The following CDH20 variants were observed in gnomAD, a reference collection of about 807,000 sequenced individuals.
CDH20 encodes cadherin-20.
A neutral mutation model predicts 74.2 loss-of-function variants in CDH20; 29 were observed. That is an observed-to-expected ratio of 0.39 (90% CI 0.29 to 0.53). The LOEUF is 0.53. CDH20 is among the 20% of genes least tolerant of loss of function. The pLI, the probability that CDH20 is intolerant of heterozygous loss-of-function variation, is 0.69. For synonymous variants in CDH20, 469 were observed against 405.4 expected, an observed-to-expected ratio of 1.16 and a Z score of -1.88; for missense variants, 988 against 1,048.3, an observed-to-expected ratio of 0.94 and a Z score of 0.79.
intron 6 of CDH20, among the ~76,000 whole-genome samples, chr18:61,522,440 T>G (rs1350947449): frequency 6.6e-6 from 1 of 152,140 alleles, no homozygotes; most frequent in African/African-American, 2.4e-5. Context: ...GAAAAAACAT[T>G]CCATGCTCAT....
At chr18:61,420,630 G>A (rs149296172) in intron 1 of CDH20, among the ~76,000 whole-genome samples, 57 of 152,112 alleles carry the variant, frequency 3.7e-4, no homozygotes, top group African/African-American at 1.4e-3. Flanking sequence ...GCTGTGCCTG[G>A]GGCTGGAACT....
chr18:61,378,521 A>G (rs1911324362), intron 1 of CDH20, among the ~76,000 whole-genome samples: 1 of 152,182 alleles, frequency 6.6e-6, no homozygotes. Context: ...TACTCAGTCT[A>G]CGGGCTCAGA....
chr18:61,443,193 C>A (rs1491000296), intron 1 of CDH20, among the ~76,000 whole-genome samples: 1 of 152,094 alleles, frequency 6.6e-6, no homozygotes, highest in Non-Finnish European at 1.5e-5. Context: ...GCCCACTGAT[C>A]CTTAGGGGTT....
intron 1 of CDH20, among the ~76,000 whole-genome samples, chr18:61,346,959 G>A (rs1341958688): frequency 6.6e-6 from 1 of 151,958 alleles, no homozygotes; most frequent in Non-Finnish European, 1.5e-5. Context: ...GTACCCACCT[G>A]GCCAGTGCTG....
At chr18:61,356,149 G>C (rs915214631) in intron 1 of CDH20, among the ~76,000 whole-genome samples, 1 of 152,188 alleles carries the variant, frequency 6.6e-6, no homozygotes, top group African/African-American at 2.4e-5. Flanking sequence ...CATGAGTTTA[G>C]AAGGAAATAC....
intron 1 of CDH20, among the ~76,000 whole-genome samples, chr18:61,460,437 A>C (rs1358448712): frequency 6.6e-6 from 1 of 152,224 alleles, no homozygotes; most frequent in Admixed American, 6.5e-5. Context: ...AGTAAGATCC[A>C]AAACACATCT....
rs190509477 is a variant in CDH20, at chr18:61,461,299, C to T, written c.-152-29103C>T. ...ATGGTGTATTAGTTCCCTAAGTTGA[C>T]GTAACAAAGTACCACAAGCTGGGTG... On this transcript the variant is annotated intron_variant, in intron 1 of 11. Transcript: ENST00000262717. Among the ~76,000 whole-genome samples the T allele has an allele frequency of 1.3e-3, 183 of 138,448 alleles. 2 individuals carry two copies. The East Asian group carries it at 0.029, about 22-fold the overall frequency. 90.8% of individuals were successfully genotyped at this position (138,448 alleles called of 152,430 possible). A position where few individuals can be genotyped will look rare whatever the true frequency, so the allele number is the denominator to read the frequency against.
Position 61,554,288 on chromosome 18 carries a change from G to A in CDH20, c.1999G>A (p.Asp667Asn). The change falls in exon 12 of 12, where the codon GAC becomes AAC. Residue 667 changes from aspartate to asparagine, a missense_variant. Asp to Asn is a conservative substitution (Grantham distance 23). Transcript: ENST00000262717. ...CCACGAGAACATCGTCCGCTACGAC[G>A]ACGAGGGCGGCGGCGAGGAGGACAC... ...NIHENIVRYD[D>N]EGGGEEDTEA... is the part of the protein sequence containing the mutation. 6.2e-7 allele frequency: 1 copy of A among 1,613,912 alleles called. No homozygotes were observed.
intron 1 of CDH20, among the ~76,000 whole-genome samples, chr18:61,483,059 A>AT (rs1301932847): frequency 1.3e-5 from 2 of 151,832 alleles, no homozygotes; most frequent in Non-Finnish European, 2.9e-5. Context: ...ATGCCCTTTT[A>AT]TTTTTCAGGG....
intron 4 of CDH20, 93 bp downstream of exon 4, chr18:61,500,595 TC>T: frequency 7.4e-7 from 1 of 1,354,148 alleles, no homozygotes; most frequent in Non-Finnish European, 1.0e-6. Context: ...TTAAGGACTC[TC>T]CAGGGAGTGT....
chr18:61,391,119 T>C (rs1335960047), intron 1 of CDH20, among the ~76,000 whole-genome samples: 1 of 152,164 alleles, frequency 6.6e-6, no homozygotes, highest in Non-Finnish European at 1.5e-5. Context: ...AAAAGTTATG[T>C]TTCATCAACA....
At chr18:61,435,379 A>G (rs1212111874) in intron 1 of CDH20, among the ~76,000 whole-genome samples, 3 of 152,140 alleles carry the variant, frequency 2.0e-5, no homozygotes, top group East Asian at 3.9e-4. Context: ...CCTCCTTTCA[A>G]TGTGCCCTCC....
intron 1 of CDH20, among the ~76,000 whole-genome samples, chr18:61,373,632 A>T (rs1460859729): frequency 2.6e-5 from 4 of 152,136 alleles, no homozygotes; most frequent in African/African-American, 9.7e-5. Context: ...CAGGGATGAC[A>T]GAAGAAAGTA....
At chr18:61,338,000 A>C (rs1198325831) in intron 1 of CDH20, among the ~76,000 whole-genome samples, 1 of 152,252 alleles carries the variant, frequency 6.6e-6, no homozygotes, top group Non-Finnish European at 1.5e-5. Flanking sequence ...GTATAACATA[A>C]GGTCATACAG....
rs17068463 is a variant in CDH20, at chr18:61,528,121, C to T, written c.1172C>T (p.Pro391Leu). 1,839 of 1,614,164 alleles carry T rather than the reference C, an allele frequency of 1.1e-3. 19 individuals are homozygous for T. The African/African-American group carries it at 0.02, about 17-fold the overall frequency. The change falls in exon 7 of 12, where the codon CCT becomes CTT. Residue 391 changes from proline (P) to leucine (L), a missense_variant. Coordinates refer to ENST00000262717, the MANE Select transcript of CDH20 (RefSeq NM_031891.4). ...GTGGACGAGCCCCCTGTGTTTGAAC[C>T]TGGCTTTTACTTTGTGGAGGTGCCT... The part of the protein sequence containing the change: ...EDVDEPPVFE[P>L]GFYFVEVPED...
At chr18:61,446,022 A>G (rs897501633) in intron 1 of CDH20, among the ~76,000 whole-genome samples, 2 of 152,156 alleles carry the variant, frequency 1.3e-5, no homozygotes, top group Non-Finnish European at 2.9e-5. Context: ...CTGGGTTCCA[A>G]TGACAAGCAT....
chr18:61,510,021 C>T (rs1227721920), intron 6 of CDH20, among the ~76,000 whole-genome samples: 3 of 152,140 alleles, frequency 2.0e-5, no homozygotes, highest in Non-Finnish European at 1.5e-5. Context: ...TCTGGACATA[C>T]ATGTGACATT....
intron 6 of CDH20, among the ~76,000 whole-genome samples, chr18:61,523,712 A>T (rs1912291508): frequency 6.6e-6 from 1 of 152,258 alleles, no homozygotes; most frequent in Non-Finnish European, 1.5e-5. Flanking sequence ...AATGTGGCAC[A>T]TATACAATAC....
chr18:61,474,571 C>A (rs558268747), intron 1 of CDH20, among the ~76,000 whole-genome samples: 2 of 152,246 alleles, frequency 1.3e-5, no homozygotes, highest in Admixed American at 6.5e-5. Context: ...TTTAATATTG[C>A]GGTACAAGTG....
Sources: allele counts gnomAD v4.1 joint callset (sites outside exome capture counted in the v4.1 genomes callset), GRCh38; gene constraint gnomAD v4.1.1; transcripts MANE v1.5; gene names NCBI Gene and HGNC (gene_info 2026-07-23, HGNC 2026-07-21).